The following GBF1 variants were observed in gnomAD, a reference collection of about 807,000 sequenced individuals.
GBF1 encodes the protein Golgi-specific brefeldin A-resistance guanine nucleotide exchange factor 1.
A neutral mutation model predicts 210.5 loss-of-function variants in GBF1; 114 were observed. The observed-to-expected ratio is 0.54, with a 90% CI of 0.47 to 0.63. The LOEUF is 0.63. Among genes scored for constraint, GBF1 ranks in the 30% least tolerant of loss-of-function variants. GBF1 has a pLI of 0.00. For missense variants in GBF1, 1,851 were observed against 2,357.7 expected, an observed-to-expected ratio of 0.79 and a Z score of 4.45; for synonymous variants, 850 against 889.2, an observed-to-expected ratio of 0.96 and a Z score of 0.78.
intron 3 of GBF1, among the ~76,000 whole-genome samples, chr10:102,273,424 A>G (rs776446615): frequency 6.6e-6 from 1 of 152,252 alleles, no homozygotes; most frequent in Non-Finnish European, 1.5e-5. Flanking sequence ...AACTTGTTTT[A>G]GTTAGAAACC....
chr10:102,326,978 A>AG (rs938777770), intron 3 of GBF1, among the ~76,000 whole-genome samples: 4 of 152,196 alleles, frequency 2.6e-5, no homozygotes, highest in African/African-American at 9.7e-5. Flanking sequence ...GGACCACCAG[A>AG]GGCCCCCCTC....
intron 3 of GBF1, among the ~76,000 whole-genome samples, chr10:102,339,958 T>G (rs902262343): frequency 1.4e-5 from 2 of 148,066 alleles, no homozygotes; most frequent in African/African-American, 5.0e-5. Flanking sequence ...GGTTAATTTT[T>G]TTTTTTTTTT....
In GBF1 at chr10:102,361,090, C is replaced by T. The variant is rs768775194; in HGVS notation, c.1461C>T (p.Ser487=). The part of the protein sequence containing the change: ...SLRVCFLLFE[S]MREHLKFQME... ...GAGTATGCTTCCTACTGTTTGAGAG[C>T]ATGCGAGAGCACCTCAAGTTCCAAA... Residue 487 remains serine (S), a synonymous_variant, in exon 13 of 40, where the codon AGC becomes AGT. Coordinates refer to ENST00000369983, the MANE Select transcript of GBF1 (RefSeq NM_001377137.1). 1.9e-6 allele frequency: 3 copies of T among 1,600,020 alleles called. No homozygotes were observed. The highest frequency in any genetic ancestry group is 2.2e-5 in the South Asian group (2 of 90,860).
chr10:102,254,235 T>C (rs2072023500), intron 1 of GBF1, among the ~76,000 whole-genome samples: 1 of 152,158 alleles, frequency 6.6e-6, no homozygotes, highest in African/African-American at 2.4e-5. Flanking sequence ...GCTGAGTTTA[T>C]AAAAATACTC....
At chr10:102,270,948 C>T (rs1282385733) in intron 3 of GBF1, among the ~76,000 whole-genome samples, 11 of 152,114 alleles carry the variant, frequency 7.2e-5, no homozygotes, top group Non-Finnish European at 1.2e-4. Context: ...GCAGCTCAAG[C>T]GATCCTCCTG....
intron 3 of GBF1, among the ~76,000 whole-genome samples, chr10:102,267,502 T>TCAA (rs10682113): frequency 0.33 from 49,338 of 151,158 alleles, 8,594 homozygotes; most frequent in South Asian, 0.45. Flanking sequence ...AGACTCCATC[T>TCAA]CAACAACAAC....
intron 3 of GBF1, among the ~76,000 whole-genome samples, chr10:102,324,543 TC>T (rs1236995833): frequency 6.6e-6 from 1 of 152,232 alleles, no homozygotes; most frequent in African/African-American, 2.4e-5. Flanking sequence ...ATATCCCATC[TC>T]TACCATTGGG....
chr10:102,382,238 A>T lies in GBF1; in HGVS notation c.5485A>T (p.Ile1829Phe), dbSNP rs2060903407. ...QVGVPPMTLP[I>F]ILNPALIEAT... Reference sequence around the variant, plus strand: ...GGGCGTGCCACCTATGACTCTGCCCATCATCCTCAACCCTGCGCTCATCGA... The same window carrying T: ...GGGCGTGCCACCTATGACTCTGCCCTTCATCCTCAACCCTGCGCTCATCGA... The change falls in exon 40 of 40, where the codon ATC (isoleucine) becomes TTC (phenylalanine). Residue 1829 changes from isoleucine to phenylalanine, a missense_variant. Transcript: ENST00000369983. The T allele has an allele frequency of 6.2e-7, 1 of 1,613,828 alleles. No homozygotes were observed.
intron 3 of GBF1, among the ~76,000 whole-genome samples, chr10:102,280,998 A>G (rs2075429437): frequency 6.6e-6 from 1 of 152,078 alleles, no homozygotes; most frequent in South Asian, 2.1e-4. Context: ...AGGAGTTGGC[A>G]GGGGATGGGT....
At chr10:102,241,776 G>A (rs2070545086), upstream of GBF1, among the ~76,000 whole-genome samples, 1 of 152,248 alleles carries the variant, frequency 6.6e-6, no homozygotes, top group Non-Finnish European at 1.5e-5. This position sits in a 1 kb window ranked among gnomAD's most constrained non-coding sequence, Gnocchi z 6.7. Context: ...CTCCGGCTAG[G>A]ACGCTTAGGC....
At position 102,379,319 on chromosome 10, in the gene GBF1, A is replaced by G; in HGVS notation, c.4530A>G (p.Ala1510=). 6.2e-7 allele frequency: 1 copy of G among 1,613,948 alleles called. No homozygotes were observed. Among genetic ancestry groups the G allele is most frequent in the Non-Finnish European group, 8.5e-7 (1 of 1,180,000 alleles). The change falls in exon 34 of 40, where the codon GCA becomes GCG. Residue 1510 remains alanine, a synonymous_variant. Transcript: ENST00000369983. ...TGATGCACACCCTGCACACGCGGGC[A>G]GCCTCTATCTACAGCTCATGGGCGG... ...LDLMHTLHTR[A]ASIYSSWAEE...
chr10:102,329,555 C>T (rs910053108), intron 3 of GBF1, among the ~76,000 whole-genome samples: 2 of 152,074 alleles, frequency 1.3e-5, no homozygotes, highest in Non-Finnish European at 2.9e-5. Context: ...GCTCCGCCTC[C>T]CAGGTTCACT....
chr10:102,358,754 C>T, intron 10 of GBF1, 25 bp downstream of exon 10: 1 of 1,428,180 alleles, frequency 7.0e-7, no homozygotes, highest in East Asian at 2.3e-5. Context: ...TTTAATGTCC[C>T]TCTTCAGTAT....
chr10:102,381,827 A>G (rs2060872446), intron 39 of GBF1, among the ~76,000 whole-genome samples: 2 of 147,458 alleles, frequency 1.4e-5, no homozygotes, highest in South Asian at 2.2e-4. Context: ...TGTCGCGAAA[A>G]AAAAAAAAAA....
intron 8 of GBF1, among the ~76,000 whole-genome samples, chr10:102,356,888 G>C (rs1363350588): frequency 1.3e-5 from 2 of 152,206 alleles, no homozygotes; most frequent in Middle Eastern, 3.4e-3. Flanking sequence ...ATTGTCCCTT[G>C]CCACTAAAAG....
At chr10:102,344,513 CTCTG>C (rs1446715343) in intron 4 of GBF1, among the ~76,000 whole-genome samples, 3 of 152,084 alleles carry the variant, frequency 2.0e-5, no homozygotes, top group African/African-American at 7.2e-5. Flanking sequence ...TGGAGTCTCA[CTCTG>C]TCGCCCAGGC....
At chr10:102,354,883 G>A (rs904513124) in intron 8 of GBF1, among the ~76,000 whole-genome samples, 5 of 151,972 alleles carry the variant, frequency 3.3e-5, no homozygotes, top group South Asian at 4.2e-4. Flanking sequence ...ACTGGGTTTG[G>A]AGGGAAAGGG....
At chr10:102,298,961 G>T (rs550539974) in intron 3 of GBF1, among the ~76,000 whole-genome samples, 16 of 152,248 alleles carry the variant, frequency 1.1e-4, no homozygotes, top group African/African-American at 3.9e-4. Flanking sequence ...CAGGATCATG[G>T]ACTACTATCC....
At chr10:102,365,623 G>T in intron 18 of GBF1, 24 bp downstream of exon 18, 3 of 1,599,228 alleles carry the variant, frequency 1.9e-6, no homozygotes, top group Non-Finnish European at 1.7e-6. Flanking sequence ...AAGAAATGTG[G>T]GATATAGCCA....
Sources: allele counts gnomAD v4.1 joint callset (sites outside exome capture counted in the v4.1 genomes callset), GRCh38; gene constraint gnomAD v4.1.1; non-coding constraint Gnocchi (gnomAD v3.1); transcripts MANE v1.5; gene names NCBI Gene and HGNC (gene_info 2026-07-23, HGNC 2026-07-21).